Variants in SLC7A2 observed in about 807,000 individuals in gnomAD.
SLC7A2 encodes the protein solute carrier family 7 member 2.
SLC7A2 carries 48 observed loss-of-function variants against 58.9 expected under a neutral mutation model. The ratio of observed to expected loss-of-function variants is 0.82; its 90% CI spans 0.65 to 1.04. SLC7A2 has a LOEUF of 1.04. Among genes scored for constraint, SLC7A2 ranks in the 50% least tolerant of loss-of-function variants. The pLI is 0.00. For synonymous variants in SLC7A2, 363 were observed against 314.5 expected (o/e 1.15, Z -1.63); for missense variants, 1,029 against 818.8 (o/e 1.26, Z -3.13).
chr8:17,517,294 C>G (rs184519526), intron 2 of SLC7A2, among the ~76,000 whole-genome samples: 1 of 152,210 alleles, frequency 6.6e-6, no homozygotes, highest in East Asian at 1.9e-4. Context: ...CAAAATGAAA[C>G]CACAAAAGAT....
At chr8:17,530,827 C>G (rs990401846) in intron 2 of SLC7A2, among the ~76,000 whole-genome samples, 2 of 151,984 alleles carry the variant, frequency 1.3e-5, no homozygotes, top group African/African-American at 2.4e-5. Context: ...CTGCCTTGGC[C>G]CCCCAAAGTG....
At chr8:17,545,546 C>T (rs182153029) in intron 4 of SLC7A2, among the ~76,000 whole-genome samples, 62 of 151,342 alleles carry the variant, frequency 4.1e-4, no homozygotes, top group Middle Eastern at 3.4e-3. Flanking sequence ...TACAGGTGCG[C>T]GCCACCGCAC....
intron 2 of SLC7A2, among the ~76,000 whole-genome samples, chr8:17,539,338 G>T (rs1209764628): frequency 6.6e-6 from 1 of 152,086 alleles, no homozygotes. Flanking sequence ...CAATGGGCGT[G>T]GGGCTAAGAA....
chr8:17,563,941 A>G (rs1448564512), intron 12 of SLC7A2, among the ~76,000 whole-genome samples: 1 of 152,206 alleles, frequency 6.6e-6, no homozygotes, highest in Non-Finnish European at 1.5e-5. Flanking sequence ...CTTATGGGTG[A>G]AAAAAATGAA....
intron 9 of SLC7A2, 142 bp downstream of exon 9, chr8:17,558,539 A>T: frequency 1.9e-6 from 1 of 520,138 alleles, no homozygotes; most frequent in East Asian, 3.1e-5. Context: ...TAGCAATGAA[A>T]AGTGGAAGAA....
intron 2 of SLC7A2, among the ~76,000 whole-genome samples, chr8:17,521,220 A>C (rs902933192): frequency 6.6e-6 from 1 of 152,194 alleles, no homozygotes; most frequent in African/African-American, 2.4e-5. Context: ...AGGTCAAATA[A>C]ATGTTTATAT....
In SLC7A2 at chr8:17,554,568, G is replaced by C. The variant is rs773033006; in HGVS notation, c.1064G>C (p.Gly355Ala). ...GTTTGCTTTTTATTCAGTCTTCTTGGATCCATTTTCCCAATGCCTCGTGTA... is the reference window on the plus strand; with the variant it reads ...GTTTGCTTTTTATTCAGTCTTCTTGCATCCATTTTCCCAATGCCTCGTGTA... ...SLCALSTSLL[G>A]SIFPMPRVIY... is the part of the protein sequence containing the mutation. The change falls in exon 8 of 13, where the codon GGA becomes GCA. Residue 355 changes from glycine to alanine, a missense_variant. Gly to Ala is a moderately conservative substitution (Grantham distance 60). Transcript: ENST00000494857. The C allele has an allele frequency of 2.5e-6, 4 of 1,602,168 alleles. No homozygotes were observed. The Admixed American group carries it at 7.1e-5, about 28-fold the overall frequency.
At chr8:17,563,512 A>G (rs887033191) in intron 11 of SLC7A2, 91 bp from the exon 12 acceptor site, 3 of 760,148 alleles carry the variant, frequency 3.9e-6, no homozygotes, top group Non-Finnish European at 7.0e-6. Context: ...GTGAAAGTAT[A>G]TATGCCAAAT....
At chr8:17,522,735 AT>A (rs34941382) in intron 2 of SLC7A2, among the ~76,000 whole-genome samples, 73,147 of 151,756 alleles carry the variant, frequency 0.48, 18,652 homozygotes, top group Middle Eastern at 0.58. Context: ...TAGGAAGTAC[AT>A]TTTTTAAAAG....
intron 2 of SLC7A2, among the ~76,000 whole-genome samples, chr8:17,537,302 C>G (rs1801711062): frequency 6.6e-6 from 1 of 152,102 alleles, no homozygotes; most frequent in African/African-American, 2.4e-5. Context: ...AAGTGCTCCT[C>G]AAGCCTCCCA....
intron 2 of SLC7A2, chr8:17,538,861 C>G (rs1801786251): frequency 6.2e-7 from 1 of 1,612,652 alleles, no homozygotes; most frequent in Admixed American, 1.7e-5. Context: ...CTCAGACAAA[C>G]TAATTTGTCG....
chr8:17,500,799 TACACACACACACAC>T (rs60002166), intron 1 of SLC7A2, among the ~76,000 whole-genome samples: 2,180 of 146,106 alleles, frequency 0.015, 41 homozygotes, highest in East Asian at 0.088. Flanking sequence ...AACACACACA[TACACACACACACAC>T]ACACACACAC....
At chr8:17,511,276 T>A (rs964408054) in intron 2 of SLC7A2, 1 of 152,018 alleles carries the variant, frequency 6.6e-6, no homozygotes, top group Admixed American at 6.6e-5. Context: ...AAAAAAAAAA[T>A]CTATAGAAAA....
rs528268890 is a variant in SLC7A2 at position 17,543,136 on chromosome 8, A to G, written c.-22-182A>G. Among the ~76,000 whole-genome samples, 4 of 152,106 alleles carry G rather than the reference A, an allele frequency of 2.6e-5. No homozygotes were observed. The South Asian group carries it at 8.3e-4, about 32-fold the overall frequency. On this transcript the variant is annotated intron_variant, in intron 2 of 12. Transcript: ENST00000494857. ...CTACAGGAAATTCGAGGCTCTGGTT[A>G]TTAAACCTTCCTTCTGACTGCTCTG...
intron 2 of SLC7A2, among the ~76,000 whole-genome samples, chr8:17,519,395 C>G (rs1043408231): frequency 2.0e-5 from 3 of 152,160 alleles, no homozygotes; most frequent in Non-Finnish European, 4.4e-5. Context: ...CTTATCAGAA[C>G]TCTTCTGAAA....
At chr8:17,555,194 A>C in intron 8 of SLC7A2, 2 of 918,902 alleles carry the variant, frequency 2.2e-6, no homozygotes, top group Non-Finnish European at 3.1e-6. Context: ...AAAAAACAAA[A>C]TCACTGATAA....
intron 2 of SLC7A2, among the ~76,000 whole-genome samples, chr8:17,536,537 C>G (rs1801674392): frequency 6.6e-6 from 1 of 152,196 alleles, no homozygotes; most frequent in Non-Finnish European, 1.5e-5. Flanking sequence ...GCACTCCAGC[C>G]TGCCACAAAA....
intron 2 of SLC7A2, among the ~76,000 whole-genome samples, chr8:17,532,352 C>T (rs1239229841): frequency 6.6e-6 from 1 of 151,626 alleles, no homozygotes; most frequent in Admixed American, 6.6e-5. Flanking sequence ...TGACCCCAAT[C>T]CCAGTGTGAG....
chr8:17,495,166 A>T (rs936885820), upstream of SLC7A2, among the ~76,000 whole-genome samples: 3 of 152,172 alleles, frequency 2.0e-5, no homozygotes, highest in Non-Finnish European at 4.4e-5. Context: ...ATCAATGTTG[A>T]CCAGGTTGGC....
Sources: allele counts gnomAD v4.1 joint callset (sites outside exome capture counted in the v4.1 genomes callset), GRCh38; gene constraint gnomAD v4.1.1; transcripts MANE v1.5; gene names NCBI Gene and HGNC (gene_info 2026-07-23, HGNC 2026-07-21).